BAHCC1: variants seen among roughly 807,000 people sequenced by gnomAD.
The protein encoded by BAHCC1 is BAH and coiled-coil domain-containing protein 1.
In BAHCC1, 43 loss-of-function variants were observed where a neutral mutation model predicts 88.2. That is an observed-to-expected ratio of 0.49 (90% CI 0.38 to 0.63). The LOEUF is 0.63. Ranked by LOEUF, BAHCC1 falls within the 20% of genes least tolerant of loss-of-function variation. The probability of loss-of-function intolerance (pLI) is 0.00; values close to 1 mark genes in which losing one functional copy is unlikely to be tolerated. For synonymous variants in BAHCC1, 1,510 were observed against 745.5 expected (o/e 2.03, Z -16.71); for missense variants, 3,023 against 1,654.8 (o/e 1.83, Z -14.34).
intron 2 of BAHCC1, chr17:81,410,118 G>A (rs1416981141): frequency 9.7e-6 from 3 of 309,164 alleles, no homozygotes; most frequent in African/African-American, 4.5e-5. Flanking sequence ...TGCAGTTGTG[G>A]CCCCGGTGCC....
At chr17:81,422,184 G>A (rs528502495) in intron 2 of BAHCC1, among the ~76,000 whole-genome samples, 130 of 152,210 alleles carry the variant, frequency 8.5e-4, no homozygotes, top group Admixed American at 1.8e-3. Flanking sequence ...GATAATTTCT[G>A]TATTTTTAGT....
In BAHCC1 at chr17:81,442,738, C is replaced by A. The variant is rs782810003; in HGVS notation, c.1389C>A (p.Pro463=). The A allele has an allele frequency of 9.0e-6, 7 of 777,952 alleles. No individual in the cohort carries two copies. Among genetic ancestry groups the A allele is most frequent in the African/African-American group, 1.7e-5 (1 of 59,128 alleles). 48.2% of individuals were successfully genotyped at this position (777,952 alleles called of 1,614,324 possible). Residue 463 remains proline (P), a synonymous_variant, in exon 5 of 28, where the codon CCC becomes CCA. Transcript: ENST00000675386. ...GGGGCTTTGAGGCGGCCCTCAACCC[C>A]CGGCTAAAGGGCCTCGACTATCTCA... The part of the protein sequence containing the change: ...RPGGFEAALN[P]RLKGLDYLSS...
chr17:81,462,220 C>T (rs375541291), intron 26 of BAHCC1, among the ~76,000 whole-genome samples, 174 bp downstream of exon 26: 2 of 152,236 alleles, frequency 1.3e-5, no homozygotes, highest in Non-Finnish European at 2.9e-5. Flanking sequence ...GTGAGGCAGC[C>T]GCTTCCGCTG....
intron 10 of BAHCC1, 192 bp from the exon 11 acceptor site, chr17:81,446,836 AGCTACTGC>A (rs2064537485): frequency 1.5e-6 from 1 of 679,606 alleles, no homozygotes; most frequent in Non-Finnish European, 2.7e-6. Flanking sequence ...TACAGGTGTG[AGCTACTGC>A]ACCCAGCCAG....
In BAHCC1 at chr17:81,442,338, C is replaced by A. The variant is rs782496259; in HGVS notation, c.989C>A (p.Pro330His). 18 of 692,782 alleles carry A rather than the reference C, an allele frequency of 2.6e-5. No homozygotes were observed. In the East Asian group the frequency reaches 4.9e-4, roughly 19 times the overall value. 42.9% of individuals were successfully genotyped at this position (692,782 alleles called of 1,614,324 possible). A position where few individuals can be genotyped will look rare whatever the true frequency, so the allele number is the denominator to read the frequency against. ...AAGGAGGCAGCAGGCCCCCCGGAGC[C>A]CGGGCCGGCCTTCAGCGAGTGCCTG... ...CAKEAAGPPE[P>H]GPAFSECLER... Residue 330 changes from proline (P) to histidine (H), a missense_variant, in exon 5 of 28, where the codon CCC (proline) becomes CAC (histidine). Physicochemically the swap from Pro to His is moderately conservative, Grantham distance 77. Transcript: ENST00000675386.
At chr17:81,417,595 T>TTAA (rs1334646965) in intron 2 of BAHCC1, among the ~76,000 whole-genome samples, 1 of 97,208 alleles carries the variant, frequency 1.0e-5, no homozygotes, top group African/African-American at 3.8e-5. Flanking sequence ...ATTTACCCTT[T>TTAA]TAATAAGAAC....
In BAHCC1 at chr17:81,462,843, G is replaced by A; in HGVS notation, c.7487G>A (p.Gly2496Glu). 1 of 781,170 alleles carries A rather than the reference G, an allele frequency of 1.3e-6. No individual in the cohort carries two copies. The highest frequency in any genetic ancestry group is 2.4e-6 in the Non-Finnish European group (1 of 418,574). 48.4% of individuals were successfully genotyped at this position (781,170 alleles called of 1,614,324 possible). Reference sequence around the variant, plus strand: ...GACTGTGCCGTCTTCCTGTCAGCTGGGCGGCCCAACCTCCCCTACATCGGC... The same window carrying A: ...GACTGTGCCGTCTTCCTGTCAGCTGAGCGGCCCAACCTCCCCTACATCGGC... Reference protein sequence around the residue: ...VGDCAVFLSAGRPNLPYIGRI... With the variant: ...VGDCAVFLSAERPNLPYIGRI... The change falls in exon 27 of 28, where the codon GGG (glycine) becomes GAG (glutamate). Residue 2496 changes from glycine to glutamate, a missense_variant. Coordinates refer to ENST00000675386, the MANE Select transcript of BAHCC1 (RefSeq NM_001377448.1).
chr17:81,444,605 A>C (rs1555653795), intron 7 of BAHCC1, 37 bp downstream of exon 7: 2 of 748,534 alleles, frequency 2.7e-6, no homozygotes, highest in East Asian at 2.4e-5. Context: ...CCTGGGGCTG[A>C]TGAGGGTTCC....
Position 81,442,858 on chromosome 17 carries a change from T to C in BAHCC1, c.1509T>C (p.Cys503=), listed in dbSNP as rs1555653043. 1.3e-6 allele frequency: 1 copy of C among 779,406 alleles called. No individual in the cohort carries two copies. The highest frequency in any genetic ancestry group is 1.3e-5 in the South Asian group (1 of 74,624). The allele number at this position is 779,406 out of a possible 1,614,324, so 48.3% of individuals were successfully genotyped here. A position where few individuals can be genotyped will look rare whatever the true frequency, so the allele number is the denominator to read the frequency against. ...YFELPTSSQD[C]ARPGHQDPLG... ...AGTTGCCCACCTCTTCACAGGACTG[T>C]GCCCGGCCTGGTCACCAGGACCCGC... is the stretch of plus-strand genomic sequence containing the variant. Residue 503 remains cysteine (C), a synonymous_variant, in exon 5 of 28, where the codon TGT becomes TGC. Coordinates refer to ENST00000675386, the MANE Select transcript of BAHCC1 (RefSeq NM_001377448.1).
chr17:81,412,917 T>A (rs2063972453), intron 2 of BAHCC1, among the ~76,000 whole-genome samples: 1 of 151,600 alleles, frequency 6.6e-6, no homozygotes, highest in Non-Finnish European at 1.5e-5. Flanking sequence ...GGTGTGGGAG[T>A]GTTGCCGGCT....
At position 81,406,773 on chromosome 17, in the gene BAHCC1, G is replaced by A. The variant is rs1555646971; in HGVS notation, c.178+6856G>A. 12 of 413,370 alleles carry A rather than the reference G, an allele frequency of 2.9e-5. 1 individual carries two copies. The highest frequency in any genetic ancestry group is 1.4e-4 in the South Asian group (8 of 58,044). 25.6% of individuals were successfully genotyped at this position (413,370 alleles called of 1,614,324 possible). ...GCGCTGAGGGGATGTGGTGGCAGGC[G>A]CTGGGGGCAGGCGGCGCCCAGGTCC... is the stretch of plus-strand genomic sequence containing the variant. On this transcript the variant is annotated intron_variant, in intron 2 of 27. Coordinates refer to ENST00000675386, the MANE Select transcript of BAHCC1 (RefSeq NM_001377448.1).
chr17:81,396,393 G>C (rs1187011538), intron 1 of BAHCC1: 1 of 152,236 alleles, frequency 6.6e-6, no homozygotes, highest in Admixed American at 6.5e-5. Context: ...TCGGGTCACG[G>C]CCCGTGTGGC....
chr17:81,459,902 C>T (rs1222424797), intron 23 of BAHCC1, among the ~76,000 whole-genome samples: 1 of 152,154 alleles, frequency 6.6e-6, no homozygotes, highest in Non-Finnish European at 1.5e-5. Context: ...CTGGGCAAAA[C>T]CTCCTGACTA....
chr17:81,401,111 G>T (rs1309902494), intron 2 of BAHCC1: 2 of 152,268 alleles, frequency 1.3e-5, no homozygotes, highest in Non-Finnish European at 2.9e-5. Flanking sequence ...TTAGTGTGTG[G>T]ATTAAAACGG....
chr17:81,458,540 G>GCACTCCCCCC, intron 18 of BAHCC1, 74 bp downstream of exon 18: 3 of 652,344 alleles, frequency 4.6e-6, no homozygotes, highest in Non-Finnish European at 2.9e-6. Flanking sequence ...GCCCTCCCCC[G>GCACTCCCCCC]CACGCTGGCC....
At chr17:81,439,783 G>C (rs1346984436) in intron 4 of BAHCC1, among the ~76,000 whole-genome samples, 1 of 152,122 alleles carries the variant, frequency 6.6e-6, no homozygotes, top group Non-Finnish European at 1.5e-5. Context: ...AGGGAACAGA[G>C]GGAGGGGACC....
intron 11 of BAHCC1, among the ~76,000 whole-genome samples, chr17:81,451,378 CT>C (rs1260818995): frequency 3.3e-5 from 5 of 152,220 alleles, no homozygotes; most frequent in Non-Finnish European, 4.4e-5. Flanking sequence ...GAGCAGATTG[CT>C]TTTACTTCGA....
rs570476768 is a variant in BAHCC1 at position 81,411,840 on chromosome 17, C to T, written c.178+11923C>T. 3.9e-5 allele frequency among the ~76,000 whole-genome samples: 6 copies of T among 152,324 alleles called. No individual in the cohort carries two copies. The South Asian group carries it at 8.3e-4, about 21-fold the overall frequency. On this transcript the variant is annotated intron_variant, in intron 2 of 27. Transcript: ENST00000675386. The surrounding 1 kb of genome is among the most constrained non-coding windows in gnomAD (Gnocchi z 6.2). ...AGGTCGTTCCCGACAAGCCCCTCACCGCCCCGGCCCCTGCCCCTCCACACC... is the reference window on the plus strand; with the variant it reads ...AGGTCGTTCCCGACAAGCCCCTCACTGCCCCGGCCCCTGCCCCTCCACACC...
At chr17:81,417,547 C>T (rs1422917746) in intron 2 of BAHCC1, among the ~76,000 whole-genome samples, 3 of 58,594 alleles carry the variant, frequency 5.1e-5, no homozygotes, top group Non-Finnish European at 6.3e-5. Flanking sequence ...CCATGGGGAG[C>T]GTCGGCCACC....
Sources: gnomAD v4.1 joint callset for allele counts (sites outside exome capture counted in the v4.1 genomes callset) on GRCh38, gnomAD v4.1.1 for gene constraint, Gnocchi (gnomAD v3.1) non-coding constraint, MANE v1.5 for transcripts, NCBI Gene and HGNC (gene_info 2026-07-23, HGNC 2026-07-21) for gene names.